Variants in ADCY10 observed in about 807,000 individuals in gnomAD.
ADCY10 encodes adenylate cyclase 10.
In ADCY10, 156 loss-of-function variants were observed where a neutral mutation model predicts 183.3. That is an observed-to-expected ratio of 0.85 (90% CI 0.75 to 0.97). The LOEUF is 0.97. ADCY10 is among the 50% of genes least tolerant of loss of function. The probability of loss-of-function intolerance (pLI) is 0.00; values close to 1 mark genes in which losing one functional copy is unlikely to be tolerated. For missense variants in ADCY10, 1,745 were observed against 1,934.3 expected, an observed-to-expected ratio of 0.90 and a Z score of 1.84; for synonymous variants, 645 against 670.0, an observed-to-expected ratio of 0.96 and a Z score of 0.58.
chr1:167,904,966 T>C (rs1166207243), intron 2 of ADCY10, 27 bp downstream of exon 2: 12 of 1,614,208 alleles, frequency 7.4e-6, no homozygotes, highest in Non-Finnish European at 9.3e-6. Flanking sequence ...CTCATCCACA[T>C]TAAACAAACA....
At position 167,856,243 on chromosome 1, in the gene ADCY10, C is replaced by T. The variant is rs1455092977; in HGVS notation, c.2093G>A (p.Gly698Asp). 1 of 1,613,736 alleles carries T rather than the reference C, an allele frequency of 6.2e-7. No homozygotes were observed. Among genetic ancestry groups the T allele is most frequent in the East Asian group, 2.2e-5 (1 of 44,884 alleles). ...GGAGATGTCGTTAGGCTGTACTGCA[C>T]CAATGACAATGTAGGTGGTGTTCCT... ...KNRNTTYIVIGAVQPNDISNK... is the reference protein window; with the variant it reads ...KNRNTTYIVIDAVQPNDISNK... Residue 698 changes from glycine (G) to aspartate (D), a missense_variant, in exon 17 of 33, where the codon GGT (glycine) becomes GAT (aspartate). Physicochemically the swap from Gly to Asp is moderately conservative, Grantham distance 94. Coordinates refer to ENST00000367851, the MANE Select transcript of ADCY10 (RefSeq NM_018417.6).
chr1:167,865,880 GCTCTTTTCCAGGAT>G (rs1465979419), intron 14 of ADCY10, among the ~76,000 whole-genome samples: 1 of 152,172 alleles, frequency 6.6e-6, no homozygotes, highest in Admixed American at 6.5e-5. Context: ...CTGCATGGTA[GCTCTTTTCCAGGAT>G]TCTACAGCCT....
chr1:167,814,944 G>A (rs1310911160), intron 31 of ADCY10, among the ~76,000 whole-genome samples: 2 of 152,080 alleles, frequency 1.3e-5, no homozygotes. Context: ...TGGCCAACAT[G>A]GTGAAACCCC....
In ADCY10 at chr1:167,848,604, A is replaced by G. The variant is rs1213753867; in HGVS notation, c.2309-115T>C. 3 of 1,152,492 alleles carry G rather than the reference A, an allele frequency of 2.6e-6. No homozygotes were observed. The African/African-American group carries it at 4.7e-5, about 18-fold the overall frequency. 71.4% of individuals were successfully genotyped at this position (1,152,492 alleles called of 1,614,324 possible). A position where few individuals can be genotyped will look rare whatever the true frequency, so the allele number is the denominator to read the frequency against. ...TGAGGAAGACTGGGCAGAGATGTAT[A>G]TTGGCTCACCAAATATTCTGGAAAC... On this transcript the variant is annotated intron_variant, in intron 18 of 32. Transcript: ENST00000367851.
intron 31 of ADCY10, among the ~76,000 whole-genome samples, chr1:167,812,500 AAAC>A (rs1356063684): frequency 3.3e-5 from 5 of 152,234 alleles, no homozygotes; most frequent in Admixed American, 6.5e-5. Flanking sequence ...TAAAAAACAA[AAAC>A]AACAACAAAA....
chr1:167,840,231 C>CAAA (rs112637652), intron 21 of ADCY10, among the ~76,000 whole-genome samples: 1 of 135,960 alleles, frequency 7.4e-6, no homozygotes, highest in African/African-American at 2.7e-5. Flanking sequence ...GACCCTGTCT[C>CAAA]AAAAAAAAAA....
At chr1:167,873,208 G>A (rs956911421) in intron 13 of ADCY10, among the ~76,000 whole-genome samples, 2 of 152,140 alleles carry the variant, frequency 1.3e-5, no homozygotes, top group Non-Finnish European at 2.9e-5. Context: ...GAAAAGTAAG[G>A]CCTCTGAGGA....
At position 167,911,137 on chromosome 1, in the gene ADCY10, A is replaced by G. The variant is rs372094964; in HGVS notation, c.-59+2839T>C. On this transcript the variant is annotated intron_variant, in intron 1 of 32. Coordinates refer to ENST00000367851, the MANE Select transcript of ADCY10 (RefSeq NM_018417.6). ...AATCACCGAAGGACAAATATAAACA[A>G]TGTAAGAATGAGTGTTCAAACTGGG... is the stretch of plus-strand genomic sequence containing the variant. Among the ~76,000 whole-genome samples, 10 of 152,250 alleles carry G rather than the reference A, an allele frequency of 6.6e-5. 1 individual carries two copies. In the East Asian group the frequency reaches 1.5e-3, roughly 23 times the overall value.
chr1:167,891,640 A>T (rs1668602358), intron 8 of ADCY10, among the ~76,000 whole-genome samples: 1 of 148,880 alleles, frequency 6.7e-6, no homozygotes, highest in Non-Finnish European at 1.5e-5. Context: ...TGGGCGACAG[A>T]ATGAGACTCT....
intron 3 of ADCY10, among the ~76,000 whole-genome samples, chr1:167,902,304 G>C (rs1669488768): frequency 6.6e-6 from 1 of 152,172 alleles, no homozygotes; most frequent in Non-Finnish European, 1.5e-5. Flanking sequence ...CAGGAGAAAG[G>C]CAGCTAGGGT....
At chr1:167,846,487 C>A (rs1485016950) in intron 19 of ADCY10, among the ~76,000 whole-genome samples, 5 of 152,174 alleles carry the variant, frequency 3.3e-5, no homozygotes, top group Non-Finnish European at 7.3e-5. Context: ...AGACACACAG[C>A]ACAATGACCT....
chr1:167,899,819 A>G (rs1669266461), intron 5 of ADCY10, among the ~76,000 whole-genome samples, 191 bp from the exon 6 acceptor site: 1 of 152,236 alleles, frequency 6.6e-6, no homozygotes, highest in Non-Finnish European at 1.5e-5. Context: ...CCCTTCTTCC[A>G]AAGCTAGAAA....
chr1:167,838,606 C>T lies in ADCY10; in HGVS notation c.3008-1288G>A, dbSNP rs535291506. 4.6e-5 allele frequency among the ~76,000 whole-genome samples: 7 copies of T among 152,294 alleles called. No individual in the cohort carries two copies. In the East Asian group the frequency reaches 1.2e-3, roughly 25 times the overall value. ...TAAACCTCAGTTTGGTCCTGGGCTC[C>T]GTTCTCCTTTCACAATTTCTCCCTA... On this transcript the variant is annotated intron_variant, in intron 21 of 32. Transcript: ENST00000367851.
In ADCY10 at chr1:167,827,129, A is replaced by C. The variant is rs114563515; in HGVS notation, c.3750+2138T>G. Among the ~76,000 whole-genome samples, 1,015 of 152,016 alleles carry C rather than the reference A, an allele frequency of 6.7e-3. 9 individuals are homozygous for C. The highest frequency in any genetic ancestry group is 0.023 in the African/African-American group (955 of 41,464). ...TTGACCCCTTCCCTTAATTCTTGAC[A>C]ACTAATGACTCCAGGAGGAAGAAAC... On this transcript the variant is annotated intron_variant, in intron 26 of 32. Transcript: ENST00000367851.
At chr1:167,905,478 G>C (rs1669749261) in intron 1 of ADCY10, among the ~76,000 whole-genome samples, 1 of 152,320 alleles carries the variant, frequency 6.6e-6, no homozygotes, top group African/African-American at 2.4e-5. Flanking sequence ...GGCCCTCGCA[G>C]GGCAAGTCCA....
rs978972623 is a variant in ADCY10, at chr1:167,878,566, G to T, written c.1286C>A (p.Ser429Tyr). The part of the protein sequence containing the change: ...MYYPGIVTCD[S>Y]VTYNGSNLPA... Reference sequence around the variant, plus strand: ...TAGGTTGCTCCCATTGTAGGTGACAGAGTCGCAGGTCACAATTCCTGGGTA... The same window carrying T: ...TAGGTTGCTCCCATTGTAGGTGACATAGTCGCAGGTCACAATTCCTGGGTA... Residue 429 changes from serine to tyrosine, a missense_variant, in exon 12 of 33, where the codon TCT becomes TAT. Physicochemically the swap from Ser to Tyr is moderately radical, Grantham distance 144 (BLOSUM62 -2). Transcript: ENST00000367851. 6.2e-7 allele frequency: 1 copy of T among 1,614,178 alleles called. No homozygotes were observed. Among genetic ancestry groups the T allele is most frequent in the Admixed American group, 1.7e-5 (1 of 60,024 alleles).
Position 167,845,617 on chromosome 1 carries a change from T to C in ADCY10, c.2953A>G (p.Asn985Asp), listed in dbSNP as rs760165083. 2.5e-6 allele frequency: 4 copies of C among 1,614,148 alleles called. No homozygotes were observed. In the African/African-American group the frequency reaches 5.3e-5, roughly 22 times the overall value. ...YHHFTVNIRL[N>D]ALDMDAIKKM... ...TTAATGGCATCCATGTCTAAAGCGT[T>C]GAGCCGAATATTCACTGTGAAGTGA... Residue 985 changes from asparagine (N) to aspartate (D), a missense_variant, in exon 21 of 33, where the codon AAC becomes GAC. Asn to Asp is a conservative substitution (Grantham distance 23). Coordinates refer to ENST00000367851, the MANE Select transcript of ADCY10 (RefSeq NM_018417.6).
intron 31 of ADCY10, among the ~76,000 whole-genome samples, chr1:167,812,653 A>G (rs749176609): frequency 7.2e-5 from 11 of 152,338 alleles, no homozygotes; most frequent in Non-Finnish European, 1.6e-4. Flanking sequence ...AGGGGGAAAA[A>G]ATATCAAGAG....
At chr1:167,817,940 T>C (rs1662628080) in intron 31 of ADCY10, 132 bp downstream of exon 31, 2 of 889,586 alleles carry the variant, frequency 2.2e-6, no homozygotes, top group Admixed American at 2.6e-5. Flanking sequence ...TTTCTTACTT[T>C]GGGGAAGTGC....
Sources: allele counts gnomAD v4.1 joint callset (sites outside exome capture counted in the v4.1 genomes callset), GRCh38; gene constraint gnomAD v4.1.1; transcripts MANE v1.5; gene names NCBI Gene and HGNC (gene_info 2026-07-23, HGNC 2026-07-21).